VPS13B: variants seen among roughly 807,000 people sequenced by gnomAD.
The protein encoded by VPS13B is vacuolar protein sorting 13 homolog B, also known as intermembrane lipid transfer protein VPS13B.
Under a neutral mutation model 426.4 loss-of-function variants are expected in VPS13B, and 285 were observed. The observed-to-expected ratio is 0.67, with a 90% CI of 0.61 to 0.74. The LOEUF is 0.74. Among genes scored for constraint, VPS13B ranks in the 30% least tolerant of loss-of-function variants. The pLI is 0.00. For synonymous variants in VPS13B, 1,676 were observed against 1,676.4 expected, an observed-to-expected ratio of 1.00 and a Z score of 0.01; for missense variants, 4,537 against 4,782.6, an observed-to-expected ratio of 0.95 and a Z score of 1.51.
chr8:99,598,329 T>A (rs1285803403), intron 33 of VPS13B, among the ~76,000 whole-genome samples: 2 of 151,966 alleles, frequency 1.3e-5, no homozygotes, highest in Non-Finnish European at 2.9e-5. Flanking sequence ...ATTATCTCAT[T>A]ATTTAGTAAG....
chr8:99,656,125 A>AT (rs1020328926), intron 34 of VPS13B, among the ~76,000 whole-genome samples: 68 of 152,214 alleles, frequency 4.5e-4, no homozygotes, highest in African/African-American at 1.6e-3. Flanking sequence ...GAGGATTGGG[A>AT]TTTTTTGGTT....
chr8:99,744,082 A>T (rs1297701207), intron 39 of VPS13B, among the ~76,000 whole-genome samples: 3 of 152,234 alleles, frequency 2.0e-5, no homozygotes, highest in Admixed American at 6.5e-5. Context: ...CTCATCTGAC[A>T]AAGGGCTAAT....
intron 33 of VPS13B, among the ~76,000 whole-genome samples, chr8:99,614,346 CA>C: frequency 6.6e-6 from 1 of 152,170 alleles, no homozygotes; most frequent in African/African-American, 2.4e-5. Flanking sequence ...GGCGCAGTCT[CA>C]GCTCACCACA....
At chr8:99,725,173 CTG>C (rs1015294969) in intron 39 of VPS13B, among the ~76,000 whole-genome samples, 52 of 152,306 alleles carry the variant, frequency 3.4e-4, no homozygotes, top group African/African-American at 1.2e-3. Context: ...CTATTTTTCA[CTG>C]TATTCCTCAC....
At chr8:99,416,518 T>A (rs1816015154) in intron 21 of VPS13B, among the ~76,000 whole-genome samples, 1 of 152,150 alleles carries the variant, frequency 6.6e-6, no homozygotes, top group African/African-American at 2.4e-5. Flanking sequence ...CCACCCAGTT[T>A]TGTGCTTGAG....
At chr8:99,490,501 G>A (rs1349298348) in intron 25 of VPS13B, among the ~76,000 whole-genome samples, 1 of 152,128 alleles carries the variant, frequency 6.6e-6, no homozygotes, top group African/African-American at 2.4e-5. Flanking sequence ...TGTACCTCTG[G>A]TAGAATTCGG....
intron 42 of VPS13B, 147 bp from the exon 43 acceptor site, chr8:99,784,168 G>A (rs1812147509): frequency 6.3e-6 from 6 of 945,254 alleles, no homozygotes; most frequent in Admixed American, 3.6e-5. Context: ...GCTTATCCTG[G>A]CAGTATAGAA....
chr8:99,547,758 C>T (rs182088133), intron 30 of VPS13B, among the ~76,000 whole-genome samples: 3 of 152,138 alleles, frequency 2.0e-5, no homozygotes, highest in East Asian at 1.9e-4. Context: ...ATAAGAGTTT[C>T]GGAAGGGCAA....
chr8:99,226,284 T>C (rs953013804), intron 17 of VPS13B, among the ~76,000 whole-genome samples: 1 of 152,140 alleles, frequency 6.6e-6, no homozygotes. Flanking sequence ...TTCTTCTTCT[T>C]GTCTGCTTAA....
chr8:99,847,498 TTA>T (rs888923194), intron 54 of VPS13B, among the ~76,000 whole-genome samples: 1 of 152,158 alleles, frequency 6.6e-6, no homozygotes, highest in Admixed American at 6.5e-5. Flanking sequence ...TTGAAAGGAC[TTA>T]TATGGAGAAA....
At chr8:99,350,123 A>G (rs1278667423) in intron 19 of VPS13B, among the ~76,000 whole-genome samples, 5 of 152,178 alleles carry the variant, frequency 3.3e-5, no homozygotes, top group Admixed American at 6.5e-5. Flanking sequence ...TCGTGTAGGC[A>G]TTAACTCGGT....
chr8:99,085,312 C>A (rs1465228664), intron 3 of VPS13B, among the ~76,000 whole-genome samples: 1 of 152,070 alleles, frequency 6.6e-6, no homozygotes, highest in Non-Finnish European at 1.5e-5. Context: ...CTTGGTAGAT[C>A]TTCCTCCATC....
At position 99,118,501 on chromosome 8, in the gene VPS13B, C is replaced by T. The variant is rs187510435; in HGVS notation, c.937+2627C>T. Among the ~76,000 whole-genome samples, 5 of 152,212 alleles carry T rather than the reference C, an allele frequency of 3.3e-5. No homozygotes were observed. The East Asian group carries it at 9.6e-4, about 29-fold the overall frequency. On this transcript the variant is annotated intron_variant, in intron 7 of 61. Transcript: ENST00000357162. ...CACTCATCAAGATATAGGTCATTAA[C>T]ATCTGAGATAGTTTCTTATGCCCCT...
chr8:99,081,756 C>G (rs1031203218), intron 3 of VPS13B, among the ~76,000 whole-genome samples: 1 of 151,958 alleles, frequency 6.6e-6, no homozygotes, highest in Admixed American at 6.6e-5. Context: ...ATGATGGTTT[C>G]CAACTTCATC....
intron 16 of VPS13B, among the ~76,000 whole-genome samples, chr8:99,173,967 A>T (rs1812493769): frequency 1.3e-5 from 2 of 152,230 alleles, no homozygotes; most frequent in African/African-American, 4.8e-5. Flanking sequence ...ATTCAGTAGC[A>T]TTAAGTACAT....
At chr8:99,048,642 C>G (rs1032119504) in intron 3 of VPS13B, among the ~76,000 whole-genome samples, 6 of 152,054 alleles carry the variant, frequency 3.9e-5, no homozygotes, top group African/African-American at 1.4e-4. Flanking sequence ...TGGTGAAACC[C>G]CTTCTCTGCT....
chr8:99,661,473 GA>G lies in VPS13B; in HGVS notation c.6029del (p.Asp2010AlafsTer3), dbSNP rs1830220968. 6.2e-7 allele frequency: 1 copy of G among 1,613,182 alleles called. No individual in the cohort carries two copies. On this transcript the variant is annotated frameshift_variant, in exon 35 of 62. Transcript: ENST00000357162. LOFTEE classifies it high-confidence loss of function. ...TTCCTTTATAACACTACAGATTAAA[GA>G]CTTTCTGAATGGACCAGGTAAGAAA... Reference protein sequence around the residue: ...PPSFITLQIKDFLNGPADVNL... With the variant: ...PPSFITLQIKXFLNGPADVNL...
At chr8:99,122,679 G>A (rs559411975) in intron 8 of VPS13B, among the ~76,000 whole-genome samples, 1 of 152,186 alleles carries the variant, frequency 6.6e-6, no homozygotes, top group African/African-American at 2.4e-5. Context: ...TATTTTCAAT[G>A]CCAGCTGTGT....
At chr8:99,344,250 C>T (rs779353774) in intron 19 of VPS13B, among the ~76,000 whole-genome samples, 2 of 152,116 alleles carry the variant, frequency 1.3e-5, no homozygotes, top group Non-Finnish European at 2.9e-5. Flanking sequence ...ACTGGCTGTG[C>T]ACATGCACAA....
Sources: gnomAD v4.1 joint callset for allele counts (sites outside exome capture counted in the v4.1 genomes callset) on GRCh38, gnomAD v4.1.1 for gene constraint, MANE v1.5 for transcripts, NCBI Gene and HGNC (gene_info 2026-07-23, HGNC 2026-07-21) for gene names.